The following ANAPC16 variants were observed in gnomAD, a reference collection of about 807,000 sequenced individuals.
ANAPC16 encodes anaphase promoting complex subunit 16, also known as anaphase-promoting complex subunit 16.
ANAPC16 carries 6 observed loss-of-function variants against 13.1 expected under a neutral mutation model. That is an observed-to-expected ratio of 0.46 (90% CI 0.25 to 0.90). The LOEUF (loss-of-function observed/expected upper bound fraction) is 0.90, where lower values mean the gene tolerates loss of function less well. ANAPC16 is among the 40% of genes least tolerant of loss of function. The pLI is 0.18. For missense variants in ANAPC16, 113 were observed against 131.1 expected, an observed-to-expected ratio of 0.86 and a Z score of 0.67; for synonymous variants, 55 against 51.3, an observed-to-expected ratio of 1.07 and a Z score of -0.31.
intron 2 of ANAPC16, among the ~76,000 whole-genome samples, chr10:72,225,219 G>A (rs1733025530): frequency 6.6e-6 from 1 of 152,068 alleles, no homozygotes; most frequent in African/African-American, 2.4e-5. Context: ...GAAGGCAGAG[G>A]TTTTAGTGAG....
chr10:72,229,531 G>A (rs1424079629), intron 2 of ANAPC16, among the ~76,000 whole-genome samples: 2 of 151,854 alleles, frequency 1.3e-5, no homozygotes, highest in African/African-American at 2.4e-5. Flanking sequence ...CTCTCTCCCC[G>A]TTTGTTTTAG....
chr10:72,234,173 A>AT lies in ANAPC16; in HGVS notation c.*1063dup, dbSNP rs1860406707. 1 of 152,048 alleles carries AT rather than the reference A, an allele frequency of 6.6e-6. No individual in the cohort carries two copies. Among genetic ancestry groups the AT allele is most frequent in the Non-Finnish European group, 1.5e-5 (1 of 68,068 alleles). 9.4% of individuals were successfully genotyped at this position (152,048 alleles called of 1,614,324 possible). A position where few individuals can be genotyped will look rare whatever the true frequency, so the allele number is the denominator to read the frequency against. The stretch of plus-strand genomic sequence containing the variant: ...AGGCACCCGCCACCACACCCAGCTA[A>AT]TTTTTTGTATATTTAGTAGAGACGG... On this transcript the variant is annotated 3_prime_UTR_variant, in exon 4 of 4. Coordinates refer to ENST00000299381, the MANE Select transcript of ANAPC16 (RefSeq NM_173473.4).
Position 72,233,243 on chromosome 10 carries a change from G to T in ANAPC16, c.*127G>T. 4.6e-6 allele frequency: 3 copies of T among 655,728 alleles called. No individual in the cohort carries two copies. The highest frequency in any genetic ancestry group is 8.0e-6 in the Non-Finnish European group (3 of 374,894). The allele number at this position is 655,728 out of a possible 1,614,324, so 40.6% of individuals were successfully genotyped here. A position where few individuals can be genotyped will look rare whatever the true frequency, so the allele number is the denominator to read the frequency against. ...GAATTGTTAATGCACATTTGTACTT[G>T]GTTTCTCTGTATCTATTCACAGGCA... is the stretch of plus-strand genomic sequence containing the variant. On this transcript the variant is annotated 3_prime_UTR_variant, in exon 4 of 4. Coordinates refer to ENST00000299381, the MANE Select transcript of ANAPC16 (RefSeq NM_173473.4).
chr10:72,231,626 G>A (rs554473579), intron 3 of ANAPC16, among the ~76,000 whole-genome samples: 10 of 152,188 alleles, frequency 6.6e-5, no homozygotes, highest in South Asian at 4.1e-4. Flanking sequence ...GCATGATCGC[G>A]GCTCACTGCA....
chr10:72,232,899 C>A, intron 3 of ANAPC16, 102 bp from the exon 4 acceptor site: 1 of 942,084 alleles, frequency 1.1e-6, no homozygotes, highest in Non-Finnish European at 1.6e-6. Context: ...CCACCACACC[C>A]GGCCTAGAAA....
At chr10:72,229,118 A>C (rs943513505) in intron 2 of ANAPC16, among the ~76,000 whole-genome samples, 4 of 150,532 alleles carry the variant, frequency 2.7e-5, no homozygotes, top group East Asian at 1.9e-4. Flanking sequence ...TGACATTCAA[A>C]CCCCTTTTTT....
At chr10:72,218,742 G>C (rs541163026) in intron 1 of ANAPC16, among the ~76,000 whole-genome samples, 1 of 152,192 alleles carries the variant, frequency 6.6e-6, no homozygotes, top group Non-Finnish European at 1.5e-5. Context: ...TTTACCACTT[G>C]CTGGTAGCAT....
At position 72,223,785 on chromosome 10, in the gene ANAPC16, A is replaced by G. The variant is rs146917491; in HGVS notation, c.-27-103A>G. On this transcript the variant is annotated intron_variant, in intron 1 of 3. Coordinates refer to ENST00000299381, the MANE Select transcript of ANAPC16 (RefSeq NM_173473.4). ...AGAGAGCATAGAAAAAAGGGGAGCT[A>G]ACTCTTTACAAAACTGTATGCTGGC... The G allele has an allele frequency of 1.8e-4, 163 of 906,138 alleles. No homozygotes were observed. In the East Asian group the frequency reaches 4.2e-3, roughly 24 times the overall value. The allele number at this position is 906,138 out of a possible 1,614,324, so 56.1% of individuals were successfully genotyped here. A position where few individuals can be genotyped will look rare whatever the true frequency, so the allele number is the denominator to read the frequency against.
chr10:72,216,502 G>T (rs1859380825), intron 1 of ANAPC16, among the ~76,000 whole-genome samples: 1 of 49,156 alleles, frequency 2.0e-5, no homozygotes, highest in African/African-American at 8.0e-5. Flanking sequence ...CCCCGTTACA[G>T]CTGCGGCATC....
chr10:72,216,833 A>G (rs890912971), intron 1 of ANAPC16: 13 of 456,086 alleles, frequency 2.9e-5, no homozygotes, highest in Admixed American at 9.4e-5. Context: ...GACAGGGCCA[A>G]GTCCCAGGAT....
intron 2 of ANAPC16, among the ~76,000 whole-genome samples, chr10:72,227,565 C>G (rs1054382814): frequency 6.6e-6 from 1 of 151,952 alleles, no homozygotes; most frequent in African/African-American, 2.4e-5. Context: ...ATGGCAACCC[C>G]TAAACCCATT....
At chr10:72,216,979 T>C (rs1247691332) in intron 1 of ANAPC16, 2 of 455,790 alleles carry the variant, frequency 4.4e-6, no homozygotes, top group Non-Finnish European at 4.4e-6. Flanking sequence ...CCAATACTCA[T>C]GACACAGCGC....
chr10:72,219,534 G>A (rs1859817103), intron 1 of ANAPC16, among the ~76,000 whole-genome samples: 1 of 151,974 alleles, frequency 6.6e-6, no homozygotes, highest in African/African-American at 2.4e-5. Context: ...CCAGGAATTG[G>A]AGACCCGCCT....
rs1243401640 is a variant in ANAPC16 at position 72,216,047 on chromosome 10, G to T, written c.-119G>T. On this transcript the variant is annotated 5_prime_UTR_variant, in exon 1 of 4. Transcript: ENST00000299381. ...CGCCGCTGGCTCCGTCTGTTGGGGG[G>T]CGAACACGCCGCGGTCCTCGTCGTG... 6.6e-6 allele frequency: 1 copy of T among 152,356 alleles called. No individual in the cohort carries two copies. The highest frequency in any genetic ancestry group is 1.5e-5 in the Non-Finnish European group (1 of 68,166). The allele number at this position is 152,356 out of a possible 1,614,324, so 9.4% of individuals were successfully genotyped here.
intron 1 of ANAPC16, among the ~76,000 whole-genome samples, chr10:72,218,264 G>A (rs1464207764): frequency 7.1e-6 from 1 of 140,536 alleles, no homozygotes; most frequent in Non-Finnish European, 1.5e-5. Context: ...AGACCTTGGC[G>A]ATGACCTTGA....
At chr10:72,225,087 C>T (rs1378998176) in intron 2 of ANAPC16, among the ~76,000 whole-genome samples, 20 of 151,986 alleles carry the variant, frequency 1.3e-4, no homozygotes, top group Non-Finnish European at 2.6e-4. Context: ...AGTTCGAGAC[C>T]AGCCTGCCCA....
In ANAPC16 at chr10:72,233,104, C is replaced by T. The variant is rs9275; in HGVS notation, c.321C>T (p.Pro107=). Residue 107 remains proline (P), a synonymous_variant, in exon 4 of 4, where the codon CCC becomes CCT. Coordinates refer to ENST00000299381, the MANE Select transcript of ANAPC16 (RefSeq NM_173473.4). ...KPIEQLLGFT[P]SSG ...TCGAGCAGCTGCTGGGATTCACCCC[C>T]TCTTCAGGTTGATACTGCCTGGATG... 1.2e-6 allele frequency: 2 copies of T among 1,614,028 alleles called. No homozygotes were observed. Among genetic ancestry groups the T allele is most frequent in the Non-Finnish European group, 1.7e-6 (2 of 1,179,956 alleles).
At chr10:72,232,952 T>C (rs373983065) in intron 3 of ANAPC16, 49 bp from the exon 4 acceptor site, 2 of 1,477,036 alleles carry the variant, frequency 1.4e-6, no homozygotes, top group African/African-American at 2.8e-5. Context: ...GGTGGCAGTC[T>C]CTTGGGTAAT....
chr10:72,230,393 C>A lies in ANAPC16; in HGVS notation c.170C>A (p.Ser57Tyr). ...GGCTCTGAGAGATTCCTCTGCGAAT[C>A]TGTTTTTAGCTATCAAGTGGCATCC... Reference protein sequence around the residue: ...EDGSERFLCESVFSYQVASTL... With the variant: ...EDGSERFLCEYVFSYQVASTL... Residue 57 changes from serine (S) to tyrosine (Y), a missense_variant, in exon 3 of 4, where the codon TCT becomes TAT. By Grantham distance (144) the Ser-to-Tyr change is moderately radical. Coordinates refer to ENST00000299381, the MANE Select transcript of ANAPC16 (RefSeq NM_173473.4). The A allele has an allele frequency of 3.7e-6, 6 of 1,614,080 alleles. No individual in the cohort carries two copies. Among genetic ancestry groups the A allele is most frequent in the Non-Finnish European group, 4.2e-6 (5 of 1,179,996 alleles).
Sources: allele counts gnomAD v4.1 joint callset (sites outside exome capture counted in the v4.1 genomes callset), GRCh38; gene constraint gnomAD v4.1.1; transcripts MANE v1.5; gene names NCBI Gene and HGNC (gene_info 2026-07-23, HGNC 2026-07-21).